The following TATDN1 variants were observed in gnomAD, a reference collection of about 807,000 sequenced individuals.
TATDN1 encodes deoxyribonuclease TATDN1.
TATDN1 carries 40 observed loss-of-function variants against 46.4 expected under a neutral mutation model. The ratio of observed to expected loss-of-function variants is 0.86; its 90% CI spans 0.67 to 1.12. TATDN1 has a LOEUF of 1.12. TATDN1 is among the 50% of genes most tolerant of loss of function. TATDN1 has a pLI of 0.00. For synonymous variants in TATDN1, 95 were observed against 105.6 expected (o/e 0.90, Z 0.62); for missense variants, 326 against 348.4 (o/e 0.94, Z 0.51).
rs201843631 is a variant in TATDN1, at chr8:124,518,824, T to C, written c.196A>G (p.Thr66Ala). 3 of 1,610,170 alleles carry C rather than the reference T, an allele frequency of 1.9e-6. No individual in the cohort carries two copies. The highest frequency in any genetic ancestry group is 2.5e-6 in the Non-Finnish European group (3 of 1,176,960). Residue 66 changes from threonine (T) to alanine (A), a missense_variant, in exon 4 of 12, where the codon ACA (threonine) becomes GCA (alanine). Thr to Ala is a moderately conservative substitution (Grantham distance 58, BLOSUM62 0). Transcript: ENST00000276692. ...AAAAGAAATATGAGGATACCATTTG[T>C]TTGTGCCAAATGCAGTGCATCTTTA... ...DSKDALHLAQ[T>A]NGMFFSTVGC...
chr8:124,534,576 C>CCAA (rs1478608490), intron 1 of TATDN1, among the ~76,000 whole-genome samples: 1 of 152,182 alleles, frequency 6.6e-6, no homozygotes, highest in Non-Finnish European at 1.5e-5. Context: ...CCTTGGCCTC[C>CCAA]CAAAGTGCTT....
chr8:124,533,859 A>ATG (rs1320036164), intron 1 of TATDN1, among the ~76,000 whole-genome samples: 1 of 152,048 alleles, frequency 6.6e-6, no homozygotes, highest in Non-Finnish European at 1.5e-5. Flanking sequence ...AAAAAAAGAA[A>ATG]TGTGTGGCAG....
At chr8:124,490,607 C>T (rs1327786057) in intron 11 of TATDN1, among the ~76,000 whole-genome samples, 1 of 152,110 alleles carries the variant, frequency 6.6e-6, no homozygotes. Flanking sequence ...TTCGAATAAC[C>T]CTTCTGTAGC....
intron 9 of TATDN1, among the ~76,000 whole-genome samples, chr8:124,498,951 CT>C (rs77795578): frequency 3.7e-3 from 485 of 132,342 alleles, no homozygotes; most frequent in Admixed American, 4.2e-3. Context: ...CGCCTGGCCT[CT>C]TTTTTTTTTT....
intron 8 of TATDN1, among the ~76,000 whole-genome samples, chr8:124,506,171 C>T (rs536900827): frequency 6.6e-6 from 1 of 151,576 alleles, no homozygotes; most frequent in South Asian, 2.1e-4. Context: ...CCTGTCTCTA[C>T]TGAAAATACA....
At chr8:124,537,717 A>G (rs1821585412) in intron 1 of TATDN1, among the ~76,000 whole-genome samples, 1 of 152,108 alleles carries the variant, frequency 6.6e-6, no homozygotes, top group South Asian at 2.1e-4. Flanking sequence ...CATCAATTAT[A>G]TCAAAGGTTA....
chr8:124,535,321 T>C (rs1586693034), intron 1 of TATDN1, among the ~76,000 whole-genome samples: 1 of 152,230 alleles, frequency 6.6e-6, no homozygotes, highest in Admixed American at 6.5e-5. Flanking sequence ...CAGAGTTGAA[T>C]AGCTGCAATA....
rs1457651092 is a variant in TATDN1 at position 124,503,930 on chromosome 8, A to C, written c.593+341T>G. On this transcript the variant is annotated intron_variant, in intron 9 of 11. Coordinates refer to ENST00000276692, the MANE Select transcript of TATDN1 (RefSeq NM_032026.4). The stretch of plus-strand genomic sequence containing the variant: ...AACCGTTCGTCCATAGTCAGATATG[A>C]CGTGTATATGTATACATAATGCTGT... The C allele has an allele frequency of 3.8e-6, 5 of 1,302,728 alleles. No homozygotes were observed. In the Admixed American group the frequency reaches 1.1e-4, roughly 30 times the overall value. 80.7% of individuals were successfully genotyped at this position (1,302,728 alleles called of 1,614,324 possible). A position where few individuals can be genotyped will look rare whatever the true frequency, so the allele number is the denominator to read the frequency against.
intron 11 of TATDN1, chr8:124,491,607 A>G (rs948326482): frequency 6.6e-6 from 1 of 152,258 alleles, no homozygotes; most frequent in Non-Finnish European, 1.5e-5. Flanking sequence ...GCCTTATCTA[A>G]AGTGCCAGGC....
chr8:124,507,380 A>G (rs1818558746), intron 8 of TATDN1, among the ~76,000 whole-genome samples: 1 of 152,238 alleles, frequency 6.6e-6, no homozygotes, highest in Non-Finnish European at 1.5e-5. Flanking sequence ...ATGGTAAAAT[A>G]TTTCAAAACA....
At position 124,495,497 on chromosome 8, in the gene TATDN1, AG is replaced by A. The variant is rs753391309; in HGVS notation, c.638del (p.Pro213LeufsTer5). The A allele has an allele frequency of 5.6e-6, 9 of 1,608,604 alleles. No homozygotes were observed. Among genetic ancestry groups the A allele is most frequent in the Non-Finnish European group, 3.4e-6 (4 of 1,178,426 alleles). On this transcript the variant is annotated frameshift_variant, in exon 10 of 12. Coordinates refer to ENST00000276692, the MANE Select transcript of TATDN1 (RefSeq NM_032026.4). LOFTEE classifies it high-confidence loss of function. ...CTGTCTCAATCATTAATTTTTCACT[AG>A]GAATTGACTTCAAAACTTCCAAATT... The part of the protein sequence containing the change: ...EANLEVLKSI[P>X]SEKLMIETDA...
chr8:124,498,885 C>T (rs1817706232), intron 9 of TATDN1, among the ~76,000 whole-genome samples: 2 of 151,662 alleles, frequency 1.3e-5, no homozygotes, highest in Non-Finnish European at 2.9e-5. Context: ...CTCCTGACCT[C>T]GTCATCTGCC....
chr8:124,495,938 G>A (rs772487829), intron 9 of TATDN1, among the ~76,000 whole-genome samples: 5 of 152,208 alleles, frequency 3.3e-5, no homozygotes, highest in Non-Finnish European at 7.3e-5. Flanking sequence ...TACTTTAGCA[G>A]AATTATGTAT....
intron 4 of TATDN1, among the ~76,000 whole-genome samples, chr8:124,517,750 A>G (rs1264391293): frequency 6.6e-6 from 1 of 152,188 alleles, no homozygotes; most frequent in Non-Finnish European, 1.5e-5. Flanking sequence ...AGGATATGAG[A>G]GATTATATAG....
chr8:124,527,613 G>T (rs1000748603), intron 1 of TATDN1, among the ~76,000 whole-genome samples: 16 of 152,094 alleles, frequency 1.1e-4, no homozygotes, highest in Admixed American at 8.5e-4. Flanking sequence ...TTAGCTTTCA[G>T]AGTTTTTCTG....
intron 6 of TATDN1, among the ~76,000 whole-genome samples, chr8:124,512,516 A>G (rs1200228167): frequency 6.6e-6 from 1 of 152,214 alleles, no homozygotes; most frequent in Non-Finnish European, 1.5e-5. Flanking sequence ...GTCTTCCAAA[A>G]ATAAACCCAA....
intron 1 of TATDN1, among the ~76,000 whole-genome samples, chr8:124,525,671 C>T (rs571612066): frequency 1.3e-5 from 2 of 152,304 alleles, no homozygotes; most frequent in East Asian, 3.9e-4. Context: ...ACTGTTATTA[C>T]AAACACTGTA....
chr8:124,537,790 A>G (rs1225378585), intron 1 of TATDN1, among the ~76,000 whole-genome samples: 2 of 152,134 alleles, frequency 1.3e-5, no homozygotes, highest in South Asian at 2.1e-4. Flanking sequence ...CCCCTACTCC[A>G]GGCTTTCCCA....
At chr8:124,532,507 C>G (rs1223454406) in intron 1 of TATDN1, among the ~76,000 whole-genome samples, 1 of 152,234 alleles carries the variant, frequency 6.6e-6, no homozygotes, top group East Asian at 1.9e-4. Context: ...TGGTCTCAAA[C>G]TCCTGACCTC....
Sources: allele counts gnomAD v4.1 joint callset (sites outside exome capture counted in the v4.1 genomes callset), GRCh38; gene constraint gnomAD v4.1.1; transcripts MANE v1.5; gene names NCBI Gene and HGNC (gene_info 2026-07-23, HGNC 2026-07-21).